The following SEPSECS variants were observed in gnomAD, a reference collection of about 807,000 sequenced individuals.
SEPSECS encodes O-phosphoseryl-tRNA(Sec) selenium transferase.
In SEPSECS, 42 loss-of-function variants were observed where a neutral mutation model predicts 52.1. The ratio of observed to expected loss-of-function variants is 0.81; its 90% CI spans 0.63 to 1.04. SEPSECS has a LOEUF of 1.04. Ranked by LOEUF, SEPSECS falls within the 50% of genes least tolerant of loss-of-function variation. The probability of loss-of-function intolerance (pLI) is 0.00; values close to 1 mark genes in which losing one functional copy is unlikely to be tolerated. For synonymous variants in SEPSECS, 216 were observed against 211.4 expected (o/e 1.02, Z -0.19); for missense variants, 590 against 610.6 (o/e 0.97, Z 0.36).
chr4:25,139,067 C>T (rs1274442171), intron 8 of SEPSECS, among the ~76,000 whole-genome samples: 1 of 152,164 alleles, frequency 6.6e-6, no homozygotes, highest in Non-Finnish European at 1.5e-5. Flanking sequence ...GGAGATTTTA[C>T]CTGACCCTTC....
rs140582528 is a variant in SEPSECS at position 25,150,052 on chromosome 4, C to T, written c.804+1908G>A. Among the ~76,000 whole-genome samples the T allele has an allele frequency of 6.0e-3, 907 of 152,224 alleles. 9 individuals are homozygous for T. The highest frequency in any genetic ancestry group is 0.023 in the Admixed American group (359 of 15,292). On this transcript the variant is annotated intron_variant, in intron 6 of 10. Transcript: ENST00000382103. ...GCTGCCAATGACATCCTAACTGATACAAAGTTGAGTAAAGAAGTTAAGCAA... is the reference window on the plus strand; with the variant it reads ...GCTGCCAATGACATCCTAACTGATATAAAGTTGAGTAAAGAAGTTAAGCAA...
At position 25,124,011 on chromosome 4, in the gene SEPSECS, T is replaced by C; in HGVS notation, c.1426A>G (p.Thr476Ala). The C allele has an allele frequency of 6.2e-7, 1 of 1,613,548 alleles. No individual in the cohort carries two copies. The highest frequency in any genetic ancestry group is 8.5e-7 in the Non-Finnish European group (1 of 1,179,580). The change falls in exon 11 of 11, where the codon ACT becomes GCT. Residue 476 changes from threonine to alanine, a missense_variant. Coordinates refer to ENST00000382103, the MANE Select transcript of SEPSECS (RefSeq NM_016955.4). ...ATTTCTTCAATATCCACATCTTCAGTTTTGTCATAATTGTCATCACTCTCT... is the reference window on the plus strand; with the variant it reads ...ATTTCTTCAATATCCACATCTTCAGCTTTGTCATAATTGTCATCACTCTCT... Reference protein sequence around the residue: ...SKESDDNYDKTEDVDIEEMAL... With the variant: ...SKESDDNYDKAEDVDIEEMAL...
chr4:25,129,116 A>G (rs1016392556), intron 8 of SEPSECS, among the ~76,000 whole-genome samples: 1 of 152,176 alleles, frequency 6.6e-6, no homozygotes, highest in African/African-American at 2.4e-5. Context: ...TTGGAATTAC[A>G]AAAATCTTAG....
intron 6 of SEPSECS, among the ~76,000 whole-genome samples, chr4:25,149,785 T>C (rs1712194465): frequency 6.6e-6 from 1 of 152,244 alleles, no homozygotes; most frequent in African/African-American, 2.4e-5. Flanking sequence ...TAGAAAATTG[T>C]ACACCCTTCC....
intron 8 of SEPSECS, among the ~76,000 whole-genome samples, chr4:25,144,326 CAAAAAA>C (rs34160695): frequency 2.4e-5 from 2 of 83,828 alleles, no homozygotes; most frequent in African/African-American, 5.8e-5. Flanking sequence ...AGACTCCGCT[CAAAAAA>C]AAAAAAAAAA....
intron 5 of SEPSECS, among the ~76,000 whole-genome samples, chr4:25,152,457 A>G (rs1405664753): frequency 6.6e-6 from 1 of 152,010 alleles, no homozygotes; most frequent in Non-Finnish European, 1.5e-5. Context: ...TATCTGCAAA[A>G]TAATTAGCAT....
At position 25,123,878 on chromosome 4, in the gene SEPSECS, G is replaced by A. The variant is rs1728235762; in HGVS notation, c.*53C>T. 1.4e-6 allele frequency: 2 copies of A among 1,443,178 alleles called. No homozygotes were observed. Among genetic ancestry groups the A allele is most frequent in the African/African-American group, 1.4e-5 (1 of 71,382 alleles). The allele number at this position is 1,443,178 out of a possible 1,614,324, so 89.4% of individuals were successfully genotyped here. ...AGTCTTATCTTTAAACTGCTTGCTT[G>A]TACTACAGCCTTATCATTTCTTTCA... On this transcript the variant is annotated 3_prime_UTR_variant, in exon 11 of 11. Transcript: ENST00000382103.
chr4:25,142,995 T>C (rs1711687595), intron 8 of SEPSECS, among the ~76,000 whole-genome samples: 1 of 152,236 alleles, frequency 6.6e-6, no homozygotes, highest in Non-Finnish European at 1.5e-5. Context: ...TAAGAACCAC[T>C]GAAACAACTA....
Position 25,159,046 on chromosome 4 carries a change from G to A in SEPSECS, c.176C>T (p.Ala59Val), listed in dbSNP as rs193096404. The A allele has an allele frequency of 6.2e-7, 1 of 1,612,788 alleles. No homozygotes were observed. The highest frequency in any genetic ancestry group is 1.1e-5 in the South Asian group (1 of 91,072). ...TAAGAAATTGTTGCTGTCCATGATT[G>A]CAAGTTCATGTAAAAAGAGTTCAAG... is the stretch of plus-strand genomic sequence containing the variant. ...STLELFLHEL[A>V]IMDSNNFLGN... is the part of the protein sequence containing the mutation. The change falls in exon 2 of 11, where the codon GCA (alanine) becomes GTA (valine). Residue 59 changes from alanine to valine, a missense_variant. Coordinates refer to ENST00000382103, the MANE Select transcript of SEPSECS (RefSeq NM_016955.4).
At chr4:25,128,455 A>C (rs1439584544) in intron 8 of SEPSECS, among the ~76,000 whole-genome samples, 2 of 150,810 alleles carry the variant, frequency 1.3e-5, no homozygotes, top group Non-Finnish European at 2.9e-5. Flanking sequence ...AAAAACAAAA[A>C]CAAAAACAAA....
intron 8 of SEPSECS, among the ~76,000 whole-genome samples, chr4:25,140,292 T>C (rs1369243738): frequency 6.6e-6 from 1 of 152,222 alleles, no homozygotes; most frequent in African/African-American, 2.4e-5. Context: ...AAACAACATA[T>C]ATCCTCTCTA....
chr4:25,159,371 C>T (rs1321775999), intron 1 of SEPSECS: 7 of 455,530 alleles, frequency 1.5e-5, no homozygotes, highest in Non-Finnish European at 1.9e-5. Context: ...GTAAGTGAAA[C>T]TAACTGAAAA....
At position 25,160,276 on chromosome 4, in the gene SEPSECS, T is replaced by G. The variant is rs369863497; in HGVS notation, c.94A>C (p.Ile32Leu). Residue 32 changes from isoleucine (I) to leucine (L), a missense_variant, in exon 1 of 11, where the codon ATA becomes CTA. Ile to Leu is a conservative substitution (Grantham distance 5). Transcript: ENST00000382103. ...GGTACCTTCTCCAGAAGCAGCCGTA[T>G]GAGGTGCTCATGCGAGCGGCGGGCC... is the stretch of plus-strand genomic sequence containing the variant. ...CEARRSHEHL[I>L]RLLLEKGKCP... The G allele has an allele frequency of 6.4e-7, 1 of 1,556,698 alleles. No individual in the cohort carries two copies. Among genetic ancestry groups the G allele is most frequent in the South Asian group, 1.2e-5 (1 of 84,882 alleles).
chr4:25,159,406 G>A (rs1685129204), intron 1 of SEPSECS: 6 of 372,450 alleles, frequency 1.6e-5, no homozygotes, highest in South Asian at 1.4e-4. Context: ...CCCCAGTGAA[G>A]ATGCTTCAAA....
chr4:25,120,554 T>G lies in SEPSECS; in HGVS notation c.*3377A>C, dbSNP rs769145141. 7.2e-5 allele frequency: 11 copies of G among 152,180 alleles called. No homozygotes were observed. The highest frequency in any genetic ancestry group is 1.3e-4 in the Non-Finnish European group (9 of 68,002). The allele number at this position is 152,180 out of a possible 1,614,324, so 9.4% of individuals were successfully genotyped here. Reference sequence around the variant, plus strand: ...TATCAAATTATTCAGGTTGTGAGACTTCTAAAATGACCAAATTTCTGTGTA... The same window carrying G: ...TATCAAATTATTCAGGTTGTGAGACGTCTAAAATGACCAAATTTCTGTGTA... On this transcript the variant is annotated 3_prime_UTR_variant, in exon 11 of 11. Transcript: ENST00000382103.
In SEPSECS at chr4:25,155,110, C is replaced by G; in HGVS notation, c.589G>C (p.Glu197Gln). 2 of 1,614,096 alleles carry G rather than the reference C, an allele frequency of 1.2e-6. No individual in the cohort carries two copies. Among genetic ancestry groups the G allele is most frequent in the Non-Finnish European group, 8.5e-7 (1 of 1,179,998 alleles). ...ACTGCTTTCAGGTCTGTACGCAGCT[C>G]GTCACCTTCCAAAACATTTTCTATC... ...VVIENVLEGD[E>Q]LRTDLKAVEA... Residue 197 changes from glutamate (E) to glutamine (Q), a missense_variant, in exon 5 of 11, where the codon GAG becomes CAG. Transcript: ENST00000382103.
intron 3 of SEPSECS, 34 bp downstream of exon 3, chr4:25,156,822 C>G (rs1411378260): frequency 9.3e-7 from 1 of 1,075,048 alleles, no homozygotes; most frequent in Non-Finnish European, 1.4e-6. Context: ...TGTGTCCAGA[C>G]AGCCAAAAGC....
chr4:25,155,270 A>T, intron 4 of SEPSECS, 119 bp from the exon 5 acceptor site: 1 of 1,116,282 alleles, frequency 9.0e-7, no homozygotes, highest in Non-Finnish European at 1.3e-6. Context: ...TGGTAGATTA[A>T]CCTTCCTCTG....
intron 6 of SEPSECS, among the ~76,000 whole-genome samples, chr4:25,148,655 T>C (rs982034929): frequency 2.0e-5 from 3 of 152,200 alleles, no homozygotes; most frequent in African/African-American, 7.2e-5. Flanking sequence ...AATAGCACAG[T>C]ACAGTGACTA....
Sources: allele counts gnomAD v4.1 joint callset (sites outside exome capture counted in the v4.1 genomes callset), GRCh38; gene constraint gnomAD v4.1.1; transcripts MANE v1.5; gene names NCBI Gene and HGNC (gene_info 2026-07-23, HGNC 2026-07-21).